Variants in USH1C observed in about 807,000 individuals in gnomAD.
USH1C encodes harmonin.
A neutral mutation model predicts 119.3 loss-of-function variants in USH1C; 90 were observed. The ratio of observed to expected loss-of-function variants is 0.75; its 90% CI spans 0.64 to 0.90. The LOEUF (loss-of-function observed/expected upper bound fraction) is 0.90, where lower values mean the gene tolerates loss of function less well. Among genes scored for constraint, USH1C ranks in the 40% least tolerant of loss-of-function variants. USH1C has a pLI of 0.00. For missense variants in USH1C, 1,165 were observed against 1,167.7 expected, an observed-to-expected ratio of 1.00 and a Z score of 0.03; for synonymous variants, 465 against 443.3, an observed-to-expected ratio of 1.05 and a Z score of -0.62.
chr11:17,541,561 A>T (rs7102602), intron 1 of USH1C, among the ~76,000 whole-genome samples: 1 of 152,004 alleles, frequency 6.6e-6, no homozygotes, highest in Non-Finnish European at 1.5e-5. Flanking sequence ...CCAAGTTCCT[A>T]CCCTGTGCTG....
chr11:17,519,529 C>A (rs1850318649), intron 14 of USH1C, among the ~76,000 whole-genome samples: 1 of 152,150 alleles, frequency 6.6e-6, no homozygotes, highest in South Asian at 2.1e-4. Flanking sequence ...TGGAAGGTAC[C>A]AAATTGACTA....
At position 17,533,981 on chromosome 11, in the gene USH1C, C is replaced by A. The variant is rs118171172; in HGVS notation, c.37-659G>T. 1.2e-3 allele frequency: 337 copies of A among 277,682 alleles called. 2 individuals carry two copies. The East Asian group carries it at 0.02, about 17-fold the overall frequency. 17.2% of individuals were successfully genotyped at this position (277,682 alleles called of 1,614,324 possible). ...GGTTACATCATTTCAACTTTGTTGACGTCAATGGCTGGCACTCTAAGGTCA... is the reference window on the plus strand; with the variant it reads ...GGTTACATCATTTCAACTTTGTTGAAGTCAATGGCTGGCACTCTAAGGTCA... On this transcript the variant is annotated intron_variant, in intron 1 of 26. Coordinates refer to ENST00000005226, the MANE Select transcript of USH1C (RefSeq NM_153676.4).
Position 17,500,973 on chromosome 11 carries a change from C to T in USH1C, c.2380+78G>A. ...CAACCGTCAGCCCACTCCAAGTGGTCACCTGTTTGCTTTCCGGGAGGGCCC... is the reference window on the plus strand; with the variant it reads ...CAACCGTCAGCCCACTCCAAGTGGTTACCTGTTTGCTTTCCGGGAGGGCCC... On this transcript the variant is annotated intron_variant, in intron 23 of 26. Transcript: ENST00000005226. 3 of 1,245,652 alleles carry T rather than the reference C, an allele frequency of 2.4e-6. No individual in the cohort carries two copies. The East Asian group carries it at 7.5e-5, about 31-fold the overall frequency. 77.2% of individuals were successfully genotyped at this position (1,245,652 alleles called of 1,614,324 possible).
At chr11:17,495,548 G>A in intron 26 of USH1C, 21 bp downstream of exon 26, 1 of 1,611,400 alleles carries the variant, frequency 6.2e-7, no homozygotes, top group Non-Finnish European at 8.5e-7. Flanking sequence ...ACAGGGCCCT[G>A]TGGCCCGCCT....
rs537093701 is a variant in USH1C, at chr11:17,500,345, G to T, written c.2380+706C>A. Among the ~76,000 whole-genome samples, 45 of 152,248 alleles carry T rather than the reference G, an allele frequency of 3.0e-4. 2 individuals carry two copies. The highest frequency in any genetic ancestry group is 7.2e-4 in the African/African-American group (30 of 41,532). On this transcript the variant is annotated intron_variant, in intron 23 of 26. Coordinates refer to ENST00000005226, the MANE Select transcript of USH1C (RefSeq NM_153676.4). ...CTGCCTCCACCTTCTCCTGGCTGTG[G>T]GTCCTTGAACAAATACTTTAACCTC...
rs1056284481 is a variant in USH1C, at chr11:17,519,880, C to T, written c.1210+990G>A. On this transcript the variant is annotated intron_variant, in intron 14 of 26. Coordinates refer to ENST00000005226, the MANE Select transcript of USH1C (RefSeq NM_153676.4). ...TTGGCAGGTTGACATTCCCATAGGT[C>T]TCATATGTGACCCAAAGTTGGGGAC... Among the ~76,000 whole-genome samples, 45 of 152,170 alleles carry T rather than the reference C, an allele frequency of 3.0e-4. 1 individual carries two copies.
intron 1 of USH1C, among the ~76,000 whole-genome samples, chr11:17,534,870 T>A (rs1436583674): frequency 3.5e-5 from 2 of 56,812 alleles, no homozygotes; most frequent in South Asian, 1.3e-3. Flanking sequence ...CGAGACTCCA[T>A]CTCAAAAAAA....
chr11:17,520,948 A>T lies in USH1C; in HGVS notation c.1132T>A (p.Trp378Arg). The change falls in exon 14 of 27, where the codon TGG becomes AGG. Residue 378 changes from tryptophan to arginine, a missense_variant. Physicochemically the swap from Trp to Arg is moderately radical, Grantham distance 101. Coordinates refer to ENST00000005226, the MANE Select transcript of USH1C (RefSeq NM_153676.4). ...AAGAGTAGCTGTTCCTTTGAGCCCC[A>T]GTCTTCTTCCCATTGCTTCTTAAAC... is the stretch of plus-strand genomic sequence containing the variant. ...EKFKKQWEED[W>R]GSKEQLLLPK... 6.2e-7 allele frequency: 1 copy of T among 1,614,104 alleles called. No individual in the cohort carries two copies. The highest frequency in any genetic ancestry group is 8.5e-7 in the Non-Finnish European group (1 of 1,179,994).
chr11:17,525,277 A>G (rs1482333877), intron 8 of USH1C, among the ~76,000 whole-genome samples: 1 of 152,228 alleles, frequency 6.6e-6, no homozygotes, highest in Non-Finnish European at 1.5e-5. Flanking sequence ...TCGAGTCCCT[A>G]TCACCCTATA....
At chr11:17,520,128 C>A (rs1284733504) in intron 14 of USH1C, among the ~76,000 whole-genome samples, 1 of 152,150 alleles carries the variant, frequency 6.6e-6, no homozygotes, top group African/African-American at 2.4e-5. Context: ...TTGTCATGGT[C>A]CCCGTTTTCC....
At position 17,494,212 on chromosome 11, in the gene USH1C, T is replaced by G; in HGVS notation, c.*120A>C. On this transcript the variant is annotated 3_prime_UTR_variant, in exon 27 of 27. Coordinates refer to ENST00000005226, the MANE Select transcript of USH1C (RefSeq NM_153676.4). ...CCCTGGTTCAGGGCCAAAGGGAGTTTGAGATTCCTGGGTGATAGATTCAGG... is the reference window on the plus strand; with the variant it reads ...CCCTGGTTCAGGGCCAAAGGGAGTTGGAGATTCCTGGGTGATAGATTCAGG... 1.2e-3 allele frequency: 1,522 copies of G among 1,250,752 alleles called. No homozygotes were observed. The highest frequency in any genetic ancestry group is 1.5e-3 in the Non-Finnish European group (1,305 of 878,252). 77.5% of individuals were successfully genotyped at this position (1,250,752 alleles called of 1,614,324 possible).
Position 17,533,260 on chromosome 11 carries a change from G to A in USH1C, c.99C>T (p.Tyr33=). The part of the protein sequence containing the change: ...KDYLYDVLRM[Y]HQTMDVAVLV... ...GCTGGACCCAGCACACTTACTGGTG[G>A]TACATTCGCAGCACATCATAGAGAT... Residue 33 remains tyrosine (Y), a synonymous_variant, in exon 2 of 27, where the codon TAC becomes TAT. Coordinates refer to ENST00000005226, the MANE Select transcript of USH1C (RefSeq NM_153676.4). The A allele has an allele frequency of 6.2e-7, 1 of 1,613,476 alleles. No individual in the cohort carries two copies. Among genetic ancestry groups the A allele is most frequent in the Non-Finnish European group, 8.5e-7 (1 of 1,179,484 alleles).
intron 1 of USH1C, among the ~76,000 whole-genome samples, chr11:17,535,755 G>A (rs1199967854): frequency 2.6e-5 from 4 of 152,070 alleles, no homozygotes; most frequent in Admixed American, 1.3e-4. Context: ...GCTTTTCATG[G>A]GCTTTATTCC....
chr11:17,513,342 G>T (rs12804801), intron 15 of USH1C, among the ~76,000 whole-genome samples: 1 of 150,292 alleles, frequency 6.7e-6, no homozygotes, highest in Non-Finnish European at 1.5e-5. Context: ...GCTCACCCCC[G>T]CCCCCAACAA....
chr11:17,504,579 A>G, intron 20 of USH1C, 68 bp downstream of exon 20: 1 of 1,545,396 alleles, frequency 6.5e-7, no homozygotes, highest in Non-Finnish European at 8.9e-7. Context: ...GAGAGAAAGA[A>G]GTGGCACAGA....
At chr11:17,496,109 T>G in intron 25 of USH1C, among the ~76,000 whole-genome samples, 1 of 143,164 alleles carries the variant, frequency 7.0e-6, no homozygotes, top group African/African-American at 2.6e-5. Context: ...TAGGAGACAG[T>G]GAGAGAGAAA....
chr11:17,533,389 A>ATGACCTCTCCTCCCT, intron 1 of USH1C, 67 bp from the exon 2 acceptor site: 3 of 1,075,580 alleles, frequency 2.8e-6, no homozygotes, highest in Non-Finnish European at 4.1e-6. Context: ...GACCTCAGGG[A>ATGACCTCTCCTCCCT]GGAGAGGTCA....
chr11:17,515,787 T>C (rs1274848167), intron 15 of USH1C, among the ~76,000 whole-genome samples: 1 of 152,202 alleles, frequency 6.6e-6, no homozygotes, highest in Non-Finnish European at 1.5e-5. Context: ...GGAGTGGGTC[T>C]CTGTCCCAAC....
At chr11:17,521,534 TG>T in intron 12 of USH1C, 123 bp from the exon 13 acceptor site, 1 of 974,554 alleles carries the variant, frequency 1.0e-6, no homozygotes, top group Non-Finnish European at 1.6e-6. Context: ...CTAGGAGGCC[TG>T]GACCAGCTTT....
Sources: gnomAD v4.1 joint callset for allele counts (sites outside exome capture counted in the v4.1 genomes callset) on GRCh38, gnomAD v4.1.1 for gene constraint, MANE v1.5 for transcripts, NCBI Gene and HGNC (gene_info 2026-07-23, HGNC 2026-07-21) for gene names.